Variants in PARPBP observed in about 807,000 individuals in gnomAD.
PARPBP encodes the protein PARP1 binding protein.
A neutral mutation model predicts 50.0 loss-of-function variants in PARPBP; 52 were observed. That is an observed-to-expected ratio of 1.04 (90% CI 0.83 to 1.31). PARPBP has a LOEUF of 1.31. PARPBP is among the 50% of genes most tolerant of loss of function. The pLI is 0.00. For missense variants in PARPBP, 697 were observed against 672.0 expected, an observed-to-expected ratio of 1.04 and a Z score of -0.41; for synonymous variants, 244 against 232.1, an observed-to-expected ratio of 1.05 and a Z score of -0.47.
intron 1 of PARPBP, among the ~76,000 whole-genome samples, chr12:102,120,757 C>T (rs1880912507): frequency 6.6e-6 from 1 of 152,314 alleles, no homozygotes; most frequent in Middle Eastern, 3.4e-3. Flanking sequence ...ACTTGTTTCA[C>T]TAACGTCTCA....
chr12:102,147,419 A>G lies in PARPBP; in HGVS notation c.154-811A>G, dbSNP rs12305350. On this transcript the variant is annotated intron_variant, in intron 2 of 10. Coordinates refer to ENST00000327680, the MANE Select transcript of PARPBP (RefSeq NM_017915.5). ...TGATGAGTTCATGTCCTTTGTAGGG[A>G]CATGGATGAAATTGGAAATCATCAT... Among the ~76,000 whole-genome samples the G allele has an allele frequency of 3.9e-3, 598 of 152,232 alleles. 4 individuals are homozygous for G. Among genetic ancestry groups the G allele is most frequent in the African/African-American group, 0.014 (565 of 41,528 alleles).
chr12:102,196,964 A>T lies in PARPBP; in HGVS notation c.*673A>T, dbSNP rs772142314. 15 of 1,599,502 alleles carry T rather than the reference A, an allele frequency of 9.4e-6. No individual in the cohort carries two copies. The highest frequency in any genetic ancestry group is 1.3e-5 in the Non-Finnish European group (15 of 1,168,010). On this transcript the variant is annotated 3_prime_UTR_variant, in exon 11 of 11. Coordinates refer to ENST00000327680, the MANE Select transcript of PARPBP (RefSeq NM_017915.5). The stretch of plus-strand genomic sequence containing the variant: ...GATGTAAGAATTGAATTTTGAAAAG[A>T]CTACTCACTGTCAAAATCTCTCCTT...
intron 4 of PARPBP, among the ~76,000 whole-genome samples, chr12:102,163,624 G>T (rs941755146): frequency 6.6e-6 from 1 of 151,554 alleles, no homozygotes; most frequent in African/African-American, 2.4e-5. Flanking sequence ...CATCTTTTTT[G>T]TTGTTGTTGT....
intron 4 of PARPBP, among the ~76,000 whole-genome samples, chr12:102,159,580 CTTATT>C (rs1329979713): frequency 6.6e-6 from 1 of 151,976 alleles, no homozygotes; most frequent in Non-Finnish European, 1.5e-5. Context: ...TTTTTGTTTC[CTTATT>C]TTATTTTACT....
Position 102,175,476 on chromosome 12 carries a change from T to A in PARPBP, c.822-7T>A, listed in dbSNP as rs773883146. 1 of 1,603,836 alleles carries A rather than the reference T, an allele frequency of 6.2e-7. No individual in the cohort carries two copies. Among genetic ancestry groups the A allele is most frequent in the South Asian group, 1.1e-5 (1 of 90,216 alleles). On this transcript the variant is annotated splice_polypyrimidine_tract_variant and splice_region_variant and intron_variant, in intron 6 of 10. Coordinates refer to ENST00000327680, the MANE Select transcript of PARPBP (RefSeq NM_017915.5). ...TGCTATAGAGGCAATCTAATTTCTA[T>A]TTTCAGCATTGCAGGGGGTCAAATA...
At chr12:102,148,161 C>A (rs918690882) in intron 2 of PARPBP, 69 bp from the exon 3 acceptor site, 3 of 609,748 alleles carry the variant, frequency 4.9e-6, no homozygotes, top group Non-Finnish European at 5.4e-6. Context: ...TTTCTTATCT[C>A]AGTTATAAGT....
intron 3 of PARPBP, among the ~76,000 whole-genome samples, chr12:102,152,191 T>A (rs114729212): frequency 6.6e-6 from 1 of 152,186 alleles, no homozygotes; most frequent in East Asian, 1.9e-4. Flanking sequence ...TAGAGTGGAA[T>A]AAAAAAGGGC....
At chr12:102,148,017 T>C (rs1223607494) in intron 2 of PARPBP, among the ~76,000 whole-genome samples, 2 of 152,180 alleles carry the variant, frequency 1.3e-5, no homozygotes, top group African/African-American at 4.8e-5. Flanking sequence ...TTGCCTTAGT[T>C]GTTCATATTT....
chr12:102,176,511 C>T (rs1157392863), intron 7 of PARPBP, among the ~76,000 whole-genome samples: 1 of 152,034 alleles, frequency 6.6e-6, no homozygotes, highest in Admixed American at 6.6e-5. Context: ...ATTCCCAGAA[C>T]ATTTACTTAT....
chr12:102,121,940 T>A (rs2136921444), intron 1 of PARPBP, among the ~76,000 whole-genome samples: 1 of 152,306 alleles, frequency 6.6e-6, no homozygotes, highest in East Asian at 1.9e-4. Context: ...AAGCTTTACT[T>A]GTGTTTATGT....
intron 3 of PARPBP, 134 bp from the exon 4 acceptor site, chr12:102,153,735 A>G (rs1039652012): frequency 1.7e-6 from 1 of 581,466 alleles, no homozygotes; most frequent in Non-Finnish European, 3.1e-6. Context: ...AATTATATGT[A>G]TTCTTAATGA....
intron 4 of PARPBP, chr12:102,155,208 G>A (rs1047018453): frequency 6.3e-5 from 10 of 157,918 alleles, no homozygotes; most frequent in African/African-American, 2.2e-4. Flanking sequence ...GCTTGAACCA[G>A]GGAGGTGGAG....
intron 4 of PARPBP, among the ~76,000 whole-genome samples, chr12:102,163,088 C>T (rs1301139574): frequency 6.6e-6 from 1 of 152,138 alleles, no homozygotes; most frequent in Non-Finnish European, 1.5e-5. Flanking sequence ...CCAATTGCTC[C>T]AACACCAATT....
At position 102,196,740 on chromosome 12, in the gene PARPBP, T is replaced by C. The variant is rs757922645; in HGVS notation, c.*449T>C. Reference sequence around the variant, plus strand: ...AAAGTTTAAATTGTTTAAAGGACTATAATTATCACACAAAATTTATTAAGA... The same window carrying C: ...AAAGTTTAAATTGTTTAAAGGACTACAATTATCACACAAAATTTATTAAGA... On this transcript the variant is annotated 3_prime_UTR_variant, in exon 11 of 11. Transcript: ENST00000327680. The C allele has an allele frequency of 5.5e-6, 8 of 1,457,898 alleles. No individual in the cohort carries two copies. The highest frequency in any genetic ancestry group is 7.7e-6 in the Non-Finnish European group (8 of 1,042,000). 90.3% of individuals were successfully genotyped at this position (1,457,898 alleles called of 1,614,324 possible). A position where few individuals can be genotyped will look rare whatever the true frequency, so the allele number is the denominator to read the frequency against.
At chr12:102,128,914 T>G (rs1882428324) in intron 2 of PARPBP, among the ~76,000 whole-genome samples, 1 of 152,214 alleles carries the variant, frequency 6.6e-6, no homozygotes, top group Admixed American at 6.5e-5. Flanking sequence ...TTATACTAAT[T>G]ACATTTCCAC....
At chr12:102,178,503 G>A (rs1375291293) in intron 7 of PARPBP, 89 bp from the exon 8 acceptor site, 3 of 686,076 alleles carry the variant, frequency 4.4e-6, no homozygotes, top group African/African-American at 1.8e-5. Flanking sequence ...ATAGATGAAA[G>A]AGGCCAGTGC....
rs576148819 is a variant in PARPBP at position 102,170,464 on chromosome 12, T to G, written c.821+4581T>G. On this transcript the variant is annotated intron_variant, in intron 6 of 10. Coordinates refer to ENST00000327680, the MANE Select transcript of PARPBP (RefSeq NM_017915.5). ...TTACTGTATCAAATACTGTAGGCAA[T>G]TGTAACACAATGGTATTTGTGTGGC... is the stretch of plus-strand genomic sequence containing the variant. Among the ~76,000 whole-genome samples, 4 of 152,328 alleles carry G rather than the reference T, an allele frequency of 2.6e-5. No individual in the cohort carries two copies. The South Asian group carries it at 8.3e-4, about 32-fold the overall frequency.
chr12:102,138,587 C>T (rs1175216973), intron 2 of PARPBP, among the ~76,000 whole-genome samples: 31 of 152,072 alleles, frequency 2.0e-4, no homozygotes. Flanking sequence ...AATGGTATTG[C>T]CTAGGTTTTC....
chr12:102,173,616 A>G (rs1405357954), intron 6 of PARPBP, among the ~76,000 whole-genome samples: 1 of 152,104 alleles, frequency 6.6e-6, no homozygotes, highest in Non-Finnish European at 1.5e-5. Flanking sequence ...AAAAACTTCA[A>G]AAATATAAAA....
Sources: allele counts gnomAD v4.1 joint callset (sites outside exome capture counted in the v4.1 genomes callset), GRCh38; gene constraint gnomAD v4.1.1; transcripts MANE v1.5; gene names NCBI Gene and HGNC (gene_info 2026-07-23, HGNC 2026-07-21).